PON2: variants seen among roughly 807,000 people sequenced by gnomAD.
The protein encoded by PON2 is paraoxonase 2, also known as serum paraoxonase/arylesterase 2.
A neutral mutation model predicts 36.6 loss-of-function variants in PON2; 27 were observed. The ratio of observed to expected loss-of-function variants is 0.74; its 90% CI spans 0.54 to 1.02. The LOEUF (loss-of-function observed/expected upper bound fraction) is 1.02. PON2 is among the 50% of genes least tolerant of loss of function. The pLI is 0.00. For missense variants in PON2, 363 were observed against 421.1 expected, an observed-to-expected ratio of 0.86 and a Z score of 1.21; for synonymous variants, 149 against 156.3, an observed-to-expected ratio of 0.95 and a Z score of 0.35.
intron 3 of PON2, chr7:95,412,919 G>A (rs1788969659): frequency 1.9e-5 from 4 of 215,670 alleles, no homozygotes; most frequent in Non-Finnish European, 9.3e-6. Context: ...TCTATTTAGG[G>A]ACTCTCTGTT....
intron 3 of PON2, chr7:95,412,811 A>G: frequency 2.7e-6 from 1 of 371,618 alleles, no homozygotes; most frequent in South Asian, 2.3e-5. Context: ...GCTAGATCCC[A>G]GTGCCTGGAA....
chr7:95,434,801 C>T (rs1474831324), intron 1 of PON2, 77 bp downstream of exon 1: 2 of 1,481,960 alleles, frequency 1.3e-6, no homozygotes, highest in Non-Finnish European at 9.0e-7. Context: ...CCTCCCCCAG[C>T]CTGCGCCCTC....
intron 6 of PON2, among the ~76,000 whole-genome samples, chr7:95,409,110 C>T (rs1388037983): frequency 6.6e-6 from 1 of 152,028 alleles, no homozygotes; most frequent in Non-Finnish European, 1.5e-5. Flanking sequence ...GTTGGAGGTT[C>T]AAGACTAGCC....
At chr7:95,416,143 T>G in intron 3 of PON2, 99 bp downstream of exon 3, 1 of 1,578,526 alleles carries the variant, frequency 6.3e-7, no homozygotes, top group Non-Finnish European at 8.7e-7. Flanking sequence ...AGAATGCATT[T>G]TGGAAAATGA....
At chr7:95,423,817 A>G (rs1789249548) in intron 2 of PON2, among the ~76,000 whole-genome samples, 1 of 152,184 alleles carries the variant, frequency 6.6e-6, no homozygotes, top group Non-Finnish European at 1.5e-5. Context: ...GGGAGGCTTC[A>G]GGAAACTTAC....
At chr7:95,407,105 C>A in intron 6 of PON2, 37 bp from the exon 7 acceptor site, 1 of 1,295,590 alleles carries the variant, frequency 7.7e-7, no homozygotes, top group Non-Finnish European at 1.1e-6. Flanking sequence ...AGCTCCATGC[C>A]AATATAAAGC....
intron 3 of PON2, chr7:95,415,932 A>G (rs942186012): frequency 2.8e-6 from 1 of 360,872 alleles, no homozygotes; most frequent in African/African-American, 2.1e-5. Flanking sequence ...AGCCGGGGCA[A>G]CCAGAACAAG....
At chr7:95,434,787 A>T (rs955734093) in intron 1 of PON2, 91 bp downstream of exon 1, 1 of 1,408,324 alleles carries the variant, frequency 7.1e-7, no homozygotes, top group Non-Finnish European at 9.5e-7. Context: ...GTCCCGCAGG[A>T]ATCCCTCCCC....
intron 1 of PON2, 68 bp downstream of exon 1, chr7:95,434,810 T>TC: frequency 2.0e-6 from 3 of 1,503,740 alleles, no homozygotes; most frequent in East Asian, 2.6e-5. Context: ...GCCTGCGCCC[T>TC]CCCCGCACCA....
chr7:95,409,811 C>T, intron 6 of PON2, 90 bp downstream of exon 6: 2 of 1,069,186 alleles, frequency 1.9e-6, no homozygotes, highest in South Asian at 2.6e-5. Flanking sequence ...GTCAAGAAAA[C>T]TATTTTCACA....
At chr7:95,410,316 C>T (rs1231499998) in intron 5 of PON2, among the ~76,000 whole-genome samples, 2 of 152,142 alleles carry the variant, frequency 1.3e-5, no homozygotes, top group African/African-American at 4.8e-5. Context: ...GAACACAGGT[C>T]ATTTAGCAAT....
chr7:95,417,615 T>A (rs944235518), intron 2 of PON2, among the ~76,000 whole-genome samples: 5 of 141,822 alleles, frequency 3.5e-5, no homozygotes, highest in Admixed American at 3.1e-4. Flanking sequence ...GGTTGTCCAC[T>A]GGTAATAAGT....
Position 95,405,104 on chromosome 7 carries a change from A to T in PON2, c.*226T>A, listed in dbSNP as rs1809642188. The T allele has an allele frequency of 2.0e-6, 1 of 503,100 alleles. No individual in the cohort carries two copies. The highest frequency in any genetic ancestry group is 3.6e-6 in the Non-Finnish European group (1 of 279,158). 31.2% of individuals were successfully genotyped at this position (503,100 alleles called of 1,614,324 possible). A position where few individuals can be genotyped will look rare whatever the true frequency, so the allele number is the denominator to read the frequency against. ...GCAAAATGTATTCACTTTATTCGAA[A>T]GCAGCTTTCTTTTCTGTCCCTTGCT... On this transcript the variant is annotated 3_prime_UTR_variant, in exon 9 of 9. Coordinates refer to ENST00000222572, the MANE Select transcript of PON2 (RefSeq NM_000305.3).
At chr7:95,415,412 G>A (rs1789037271) in intron 3 of PON2, 1 of 152,090 alleles carries the variant, frequency 6.6e-6, no homozygotes, top group Non-Finnish European at 1.5e-5. Context: ...AAGAATCAAG[G>A]CAAAATGAAG....
At chr7:95,417,690 G>GACACACACACACACACACACAC (rs555142509) in intron 2 of PON2, among the ~76,000 whole-genome samples, 2 of 93,814 alleles carry the variant, frequency 2.1e-5, no homozygotes, top group Non-Finnish European at 4.7e-5. Context: ...TGTACACACA[G>GACACACACACACACACACACAC]ACACACACAC....
chr7:95,414,813 T>C lies in PON2; in HGVS notation c.201+1429A>G, dbSNP rs1173522275. 4.6e-5 allele frequency among the ~76,000 whole-genome samples: 7 copies of C among 152,350 alleles called. No individual in the cohort carries two copies. In the East Asian group the frequency reaches 5.8e-4, roughly 13 times the overall value. On this transcript the variant is annotated intron_variant, in intron 3 of 8. Transcript: ENST00000222572. ...CTACTATAAATATCACTTTATTCAT[T>C]CTGTGTAGGCAATTAAATAAAACAT...
chr7:95,433,525 A>G (rs1276550031), intron 1 of PON2, among the ~76,000 whole-genome samples: 1 of 152,088 alleles, frequency 6.6e-6, no homozygotes, highest in Non-Finnish European at 1.5e-5. Context: ...ATAAAACACA[A>G]CTAGTTATAT....
chr7:95,414,992 T>C (rs1789026790), intron 3 of PON2, among the ~76,000 whole-genome samples: 1 of 152,214 alleles, frequency 6.6e-6, no homozygotes, highest in Non-Finnish European at 1.5e-5. Flanking sequence ...CTAATTCTCA[T>C]TCTACTCCAA....
intron 1 of PON2, among the ~76,000 whole-genome samples, chr7:95,426,167 C>T (rs1275046688): frequency 3.3e-5 from 5 of 152,068 alleles, no homozygotes; most frequent in Admixed American, 2.6e-4. Flanking sequence ...TGGGTGATGG[C>T]ATCAGTTGTT....
Sources: allele counts gnomAD v4.1 joint callset (sites outside exome capture counted in the v4.1 genomes callset), GRCh38; gene constraint gnomAD v4.1.1; transcripts MANE v1.5; gene names NCBI Gene and HGNC (gene_info 2026-07-23, HGNC 2026-07-21).